The following ADAM33 variants were observed in gnomAD, a reference collection of about 807,000 sequenced individuals.
ADAM33 encodes the protein ADAM metallopeptidase domain 33.
A neutral mutation model predicts 106.2 loss-of-function variants in ADAM33; 103 were observed. The observed-to-expected ratio is 0.97, with a 90% CI of 0.83 to 1.14. The LOEUF (loss-of-function observed/expected upper bound fraction) is 1.14, where lower values mean the gene tolerates loss of function less well. ADAM33 is among the 50% of genes most tolerant of loss of function. The probability of loss-of-function intolerance (pLI) is 0.00; values close to 1 mark genes in which losing one functional copy is unlikely to be tolerated. For synonymous variants in ADAM33, 483 were observed against 453.0 expected (o/e 1.07, Z -0.84); for missense variants, 1,120 against 1,096.6 (o/e 1.02, Z -0.30).
intron 21 of ADAM33, 73 bp downstream of exon 21, chr20:3,669,226 C>A (rs114250984): frequency 1.9e-6 from 2 of 1,075,962 alleles, no homozygotes; most frequent in South Asian, 1.5e-5. Flanking sequence ...TAGGGGGCAG[C>A]AAACTGAGGG....
At position 3,671,679 on chromosome 20, in the gene ADAM33, C is replaced by T. The variant is rs1431651315; in HGVS notation, c.1807G>A (p.Glu603Lys). Residue 603 changes from glutamate (E) to lysine (K), a missense_variant, in exon 16 of 22, where the codon GAA becomes AAA. Coordinates refer to ENST00000356518, the MANE Select transcript of ADAM33 (RefSeq NM_025220.5). ...VDSTVHLDGQ[E>K]VTCRGALALP... ...GCCAAGGCTCCCCGACAAGTCACTT[C>T]CTGGCCATCTAGGTGAACGGTAGAG... 6.3e-7 allele frequency: 1 copy of T among 1,585,976 alleles called. No homozygotes were observed. The highest frequency in any genetic ancestry group is 8.6e-7 in the Non-Finnish European group (1 of 1,165,648).
At chr20:3,678,697 T>A (rs375308135) in intron 2 of ADAM33, among the ~76,000 whole-genome samples, 5 of 152,128 alleles carry the variant, frequency 3.3e-5, no homozygotes, top group South Asian at 4.1e-4. Flanking sequence ...GTGTAGCCAA[T>A]GGTTTAAAAT....
At position 3,673,486 on chromosome 20, in the gene ADAM33, T is replaced by C; in HGVS notation, c.1001A>G (p.Glu334Gly). 6.6e-7 allele frequency: 1 copy of C among 1,526,440 alleles called. No homozygotes were observed. Among genetic ancestry groups the C allele is most frequent in the Non-Finnish European group, 8.7e-7 (1 of 1,143,710 alleles). The allele number at this position is 1,526,440 out of a possible 1,614,324, so 94.6% of individuals were successfully genotyped here. ...SSGGVSTDHS[E>G]LPIGAAATMA... ...GGTGGCTGCGGCGCCGATGGGGAGC[T>C]CCGAGTGGTCCTGGGGGGCCGTGGG... The change falls in exon 11 of 22, where the codon GAG becomes GGG. Residue 334 changes from glutamate to glycine, a missense_variant. Transcript: ENST00000356518.
At position 3,670,667 on chromosome 20, in the gene ADAM33, G is replaced by C. The variant is rs1038635445; in HGVS notation, c.2240+339C>G. ...CTGGACAGGCCTCCGGGGGCAGCAT[G>C]GTACAGGGACTGCAATCTGAGCCAG... On this transcript the variant is annotated intron_variant, in intron 19 of 21. Transcript: ENST00000356518. The C allele has an allele frequency of 1.1e-5, 3 of 278,784 alleles. No homozygotes were observed. In the East Asian group the frequency reaches 2.0e-4, roughly 18 times the overall value. The allele number at this position is 278,784 out of a possible 1,614,324, so 17.3% of individuals were successfully genotyped here. A position where few individuals can be genotyped will look rare whatever the true frequency, so the allele number is the denominator to read the frequency against.
At position 3,675,137 on chromosome 20, in the gene ADAM33, T is replaced by G. The variant is rs2087858207; in HGVS notation, c.255-32A>C. On this transcript the variant is annotated intron_variant, in intron 3 of 21. Transcript: ENST00000356518. The surrounding 1 kb of genome is among the most constrained non-coding windows in gnomAD (Gnocchi z 4.1). ...GGGGGTGTTACAGGGAACACTGAAT[T>G]CAGCTTCCTCCTGCCTCCTCCAGGA... 1.9e-6 allele frequency: 3 copies of G among 1,548,674 alleles called. No homozygotes were observed. In the East Asian group the frequency reaches 6.8e-5, roughly 35 times the overall value.
At position 3,675,171 on chromosome 20, in the gene ADAM33, A is replaced by G; in HGVS notation, c.255-66T>C. On this transcript the variant is annotated intron_variant, in intron 3 of 21. Transcript: ENST00000356518. This position sits in a 1 kb window ranked among gnomAD's most constrained non-coding sequence, Gnocchi z 4.1. ...TCCTGCCTCCTCCAGGATGTCTCCCAGCCTTCCTCCCTAAATGCTAATGGA... is the reference window on the plus strand; with the variant it reads ...TCCTGCCTCCTCCAGGATGTCTCCCGGCCTTCCTCCCTAAATGCTAATGGA... 1 of 1,266,636 alleles carries G rather than the reference A, an allele frequency of 7.9e-7. No homozygotes were observed. The allele number at this position is 1,266,636 out of a possible 1,614,324, so 78.5% of individuals were successfully genotyped here. A position where few individuals can be genotyped will look rare whatever the true frequency, so the allele number is the denominator to read the frequency against.
chr20:3,677,069 GTTC>G lies in ADAM33; in HGVS notation c.249_251del (p.Lys83del), dbSNP rs760129757. ...CCCTACCCCAGCCTGGCACTCACTG[GTTC>G]TTCTCCAGCTCAAGCAGGAGCTCCT... On this transcript the variant is annotated inframe_deletion, in exon 3 of 22. Coordinates refer to ENST00000356518, the MANE Select transcript of ADAM33 (RefSeq NM_025220.5). The G allele has an allele frequency of 6.2e-6, 10 of 1,612,670 alleles. No homozygotes were observed. Among genetic ancestry groups the G allele is most frequent in the African/African-American group, 1.3e-5 (1 of 74,986 alleles).
In ADAM33 at chr20:3,669,365, C is replaced by T; in HGVS notation, c.2338G>A (p.Glu780Lys). The change falls in exon 21 of 22, where the codon GAG (glutamate) becomes AAG (lysine). Residue 780 changes from glutamate (E) to lysine (K), a missense_variant. Glu to Lys is a moderately conservative substitution (Grantham distance 56, BLOSUM62 1). Transcript: ENST00000356518. The part of the protein sequence containing the change: ...ATGQPWPLDP[E>K]NSHEPSSHPE... ...TGGCTGCTGGGCTCATGAGAGTTCT[C>T]AGGGTCTGGGAGAAATGGTGGAGGG... is the stretch of plus-strand genomic sequence containing the variant. 2 of 1,605,084 alleles carry T rather than the reference C, an allele frequency of 1.2e-6. No individual in the cohort carries two copies. Among genetic ancestry groups the T allele is most frequent in the Non-Finnish European group, 1.7e-6 (2 of 1,177,618 alleles).
At chr20:3,679,992 C>T (rs184920815) in intron 1 of ADAM33, among the ~76,000 whole-genome samples, 1 of 152,234 alleles carries the variant, frequency 6.6e-6, no homozygotes, top group Admixed American at 6.5e-5. Context: ...CTTGTGCCCC[C>T]CCCATCATCT....
Position 3,671,475 on chromosome 20 carries a change from T to C in ADAM33, c.1927A>G (p.Arg643Gly). The part of the protein sequence containing the change: ...PRMVCQSRRC[R>G]KNAFQELQRC... The stretch of plus-strand genomic sequence containing the variant: ...TGAAGCTCCTGGAAGGCATTCTTCC[T>C]GCAGCGCCTGCTCTGGCACACCTAC... The change falls in exon 17 of 22, where the codon AGG becomes GGG. Residue 643 changes from arginine (R) to glycine (G), a missense_variant. Physicochemically the swap from Arg to Gly is moderately radical, Grantham distance 125. Coordinates refer to ENST00000356518, the MANE Select transcript of ADAM33 (RefSeq NM_025220.5). 3 of 1,611,188 alleles carry C rather than the reference T, an allele frequency of 1.9e-6. No homozygotes were observed. The highest frequency in any genetic ancestry group is 2.5e-6 in the Non-Finnish European group (3 of 1,178,424).
intron 1 of ADAM33, among the ~76,000 whole-genome samples, chr20:3,680,557 T>C (rs1246401367): frequency 6.6e-6 from 1 of 152,052 alleles, no homozygotes; most frequent in Non-Finnish European, 1.5e-5. Flanking sequence ...TGAATTGCCA[T>C]CAGGCAGATG....
chr20:3,669,129 G>T, intron 21 of ADAM33, 129 bp from the exon 22 acceptor site: 1 of 1,269,322 alleles, frequency 7.9e-7, no homozygotes, highest in Non-Finnish European at 1.1e-6. Context: ...TCCCTCCCCA[G>T]CCCAGGGGCT....
chr20:3,673,784 A>G lies in ADAM33; in HGVS notation c.866T>C (p.Leu289Pro), dbSNP rs542392977. Residue 289 changes from leucine (L) to proline (P), a missense_variant, in exon 9 of 22, where the codon CTG (leucine) becomes CCG (proline). Leu to Pro is a moderately conservative substitution (Grantham distance 98). Coordinates refer to ENST00000356518, the MANE Select transcript of ADAM33 (RefSeq NM_025220.5). Reference sequence around the variant, plus strand: ...GGAGTCGTGGGGCCGCTGCGCCCACAGCCCCCGGCGCCACTGCAGGAAGGC... The same window carrying G: ...GGAGTCGTGGGGCCGCTGCGCCCACGGCCCCCGGCGCCACTGCAGGAAGGC... ...LWAFLQWRRGLWAQRPHDSAQ... is the reference protein window; with the variant it reads ...LWAFLQWRRGPWAQRPHDSAQ... 2.5e-5 allele frequency: 38 copies of G among 1,533,236 alleles called. No individual in the cohort carries two copies. Among genetic ancestry groups the G allele is most frequent in the Admixed American group, 9.9e-5 (5 of 50,368 alleles). 95.0% of individuals were successfully genotyped at this position (1,533,236 alleles called of 1,614,324 possible).
Position 3,674,226 on chromosome 20 carries a change from T to C in ADAM33, c.659A>G (p.His220Arg). ...CCTGGGGTCTCTCCTCACCAGGGTG[T>C]GGTCTGCCACAATGTACAGTTCCAG... ...KYLELYIVADHTLFLTRHRNL... is the reference protein window; with the variant it reads ...KYLELYIVADRTLFLTRHRNL... Residue 220 changes from histidine to arginine, a missense_variant, in exon 7 of 22, where the codon CAC becomes CGC. Transcript: ENST00000356518. 3 of 1,614,080 alleles carry C rather than the reference T, an allele frequency of 1.9e-6. No homozygotes were observed. Among genetic ancestry groups the C allele is most frequent in the Admixed American group, 3.3e-5 (2 of 60,018 alleles).
At chr20:3,672,683 C>G (rs1452139715) in intron 12 of ADAM33, 38 bp downstream of exon 12, 1 of 1,603,290 alleles carries the variant, frequency 6.2e-7, no homozygotes, top group Non-Finnish European at 8.5e-7. Flanking sequence ...CAGACCTGAG[C>G]GGAGAGGGCA....
At chr20:3,681,514 A>G (rs551699577) in intron 1 of ADAM33, among the ~76,000 whole-genome samples, 150 of 152,140 alleles carry the variant, frequency 9.9e-4, no homozygotes, top group Non-Finnish European at 1.1e-3. Flanking sequence ...GCTGAGTCCT[A>G]AGGGGTGGAG....
Position 3,673,340 on chromosome 20 carries a change from C to T in ADAM33, c.1133+14G>A, listed in dbSNP as rs1045474871. ...TAGCCGCCCCGCCGCAGCCCCGACC[C>T]CCCACCCGCGTACCCGGTGGCCGCA... is the stretch of plus-strand genomic sequence containing the variant. On this transcript the variant is annotated intron_variant, in intron 11 of 21. Coordinates refer to ENST00000356518, the MANE Select transcript of ADAM33 (RefSeq NM_025220.5). 2.6e-6 allele frequency: 4 copies of T among 1,537,538 alleles called. No homozygotes were observed. The highest frequency in any genetic ancestry group is 3.5e-6 in the Non-Finnish European group (4 of 1,147,944).
chr20:3,668,518 G>C lies in ADAM33; in HGVS notation c.*445C>G. ...TTTGCAGAGGCCAGCCAGGCTCCAG[G>C]GGAGTGTGGACTCAGTCGAACCATA... On this transcript the variant is annotated 3_prime_UTR_variant, in exon 22 of 22. Coordinates refer to ENST00000356518, the MANE Select transcript of ADAM33 (RefSeq NM_025220.5). 4.9e-6 allele frequency: 1 copy of C among 203,812 alleles called. No individual in the cohort carries two copies. The allele number at this position is 203,812 out of a possible 1,614,324, so 12.6% of individuals were successfully genotyped here.
chr20:3,671,349 C>CAGAGA lies in ADAM33; in HGVS notation c.1984-9_1984-5dup, dbSNP rs773304392. On this transcript the variant is annotated splice_polypyrimidine_tract_variant and splice_region_variant and intron_variant, in intron 17 of 21. Coordinates refer to ENST00000356518, the MANE Select transcript of ADAM33 (RefSeq NM_025220.5). The stretch of plus-strand genomic sequence containing the variant: ...AGTTATGGTTGCTATTGCAAACCTG[C>CAGAGA]AGAGAAGAGAAGAGGAGGGTCACGT... The CAGAGA allele has an allele frequency of 6.2e-7, 1 of 1,613,424 alleles. No homozygotes were observed. Among genetic ancestry groups the CAGAGA allele is most frequent in the African/African-American group, 1.3e-5 (1 of 74,932 alleles).
Sources: gnomAD v4.1 joint callset for allele counts (sites outside exome capture counted in the v4.1 genomes callset) on GRCh38, gnomAD v4.1.1 for gene constraint, Gnocchi (gnomAD v3.1) non-coding constraint, MANE v1.5 for transcripts, NCBI Gene and HGNC (gene_info 2026-07-23, HGNC 2026-07-21) for gene names.